Variants in MAP3K20 observed in about 807,000 individuals in gnomAD.
MAP3K20 encodes HCCS-4.
MAP3K20 carries 40 observed loss-of-function variants against 85.7 expected under a neutral mutation model. The observed-to-expected ratio is 0.47, with a 90% CI of 0.36 to 0.61. The LOEUF (loss-of-function observed/expected upper bound fraction) is 0.61, where lower values mean the gene tolerates loss of function less well. Ranked by LOEUF, MAP3K20 falls within the 20% of genes least tolerant of loss-of-function variation. MAP3K20 has a pLI of 0.00. For missense variants in MAP3K20, 817 were observed against 961.7 expected, an observed-to-expected ratio of 0.85 and a Z score of 1.99; for synonymous variants, 325 against 327.7, an observed-to-expected ratio of 0.99 and a Z score of 0.09.
At chr2:173,199,348 T>C (rs567876364) in intron 8 of MAP3K20, among the ~76,000 whole-genome samples, 2 of 152,314 alleles carry the variant, frequency 1.3e-5, no homozygotes, top group South Asian at 2.1e-4. Flanking sequence ...ATTTAAGAAA[T>C]GAAAAGGAGT....
chr2:173,262,215 G>A (rs1045285597), intron 18 of MAP3K20, among the ~76,000 whole-genome samples: 1 of 152,124 alleles, frequency 6.6e-6, no homozygotes, highest in South Asian at 2.1e-4. Flanking sequence ...AGTGGCTGCA[G>A]TAAGATGAAG....
intron 2 of MAP3K20, among the ~76,000 whole-genome samples, chr2:173,158,311 T>A (rs1406585850): frequency 2.0e-5 from 3 of 152,142 alleles, no homozygotes; most frequent in African/African-American, 7.2e-5. Flanking sequence ...TAGAAGGACC[T>A]ATGATTTTAC....
intron 16 of MAP3K20, among the ~76,000 whole-genome samples, chr2:173,257,639 T>A (rs1685190264): frequency 6.6e-6 from 1 of 152,178 alleles, no homozygotes; most frequent in Non-Finnish European, 1.5e-5. Flanking sequence ...TCTAGACAAG[T>A]CTTTTTTCTT....
chr2:173,222,131 A>T (rs935329098), intron 11 of MAP3K20: 18 of 915,574 alleles, frequency 2.0e-5, no homozygotes, highest in Non-Finnish European at 2.3e-5. Context: ...GAGACCTAGC[A>T]ATCAGTCAGG....
chr2:173,182,982 G>A (rs528925551), intron 4 of MAP3K20, 27 bp downstream of exon 4: 2 of 1,553,380 alleles, frequency 1.3e-6, no homozygotes, highest in Non-Finnish European at 1.8e-6. Context: ...TATTCTTATA[G>A]AATTAGTGGG....
intron 10 of MAP3K20, chr2:173,211,505 A>T (rs954220397): frequency 1.3e-5 from 2 of 152,298 alleles, no homozygotes; most frequent in African/African-American, 4.8e-5. Flanking sequence ...TTCATCATTC[A>T]CATGGCAGTT....
At chr2:173,236,129 G>T (rs1684641631) in intron 14 of MAP3K20, among the ~76,000 whole-genome samples, 1 of 152,138 alleles carries the variant, frequency 6.6e-6, no homozygotes. Context: ...AGCCAGGCAT[G>T]TGGTGCACAC....
intron 2 of MAP3K20, among the ~76,000 whole-genome samples, chr2:173,126,826 T>C (rs1688459434): frequency 6.6e-6 from 1 of 152,200 alleles, no homozygotes; most frequent in Admixed American, 6.5e-5. Flanking sequence ...AAGCCAGACA[T>C]TCTGTAGGCA....
In MAP3K20 at chr2:173,158,162, G is replaced by T. The variant is rs142003093; in HGVS notation, c.160-11643G>T. Among the ~76,000 whole-genome samples, 8 of 152,306 alleles carry T rather than the reference G, an allele frequency of 5.3e-5. No homozygotes were observed. In the East Asian group the frequency reaches 1.5e-3, roughly 29 times the overall value. On this transcript the variant is annotated intron_variant, in intron 2 of 19. Coordinates refer to ENST00000375213, the MANE Select transcript of MAP3K20 (RefSeq NM_016653.3). ...TAATAGTAAGCCCTAACTCATGTTT[G>T]CTGTGAGAATGTAAGGGTTCAATCT...
chr2:173,257,201 A>G (rs1337976290), intron 16 of MAP3K20, among the ~76,000 whole-genome samples: 2 of 152,132 alleles, frequency 1.3e-5, no homozygotes, highest in East Asian at 1.9e-4. Flanking sequence ...AAATTAATTA[A>G]AAAGAGAAAT....
At chr2:173,231,249 T>C (rs967324458) in intron 12 of MAP3K20, among the ~76,000 whole-genome samples, 4 of 152,176 alleles carry the variant, frequency 2.6e-5, no homozygotes, top group East Asian at 3.9e-4. Context: ...TCTCTGCCCT[T>C]TGTATTCTTT....
At chr2:173,242,794 C>T (rs1467876481) in intron 16 of MAP3K20, among the ~76,000 whole-genome samples, 1 of 150,600 alleles carries the variant, frequency 6.6e-6, no homozygotes, top group African/African-American at 2.5e-5. Flanking sequence ...GCAACCTCCG[C>T]CTCCCAGGTT....
At chr2:173,077,831 A>G (rs1257317649) in intron 1 of MAP3K20, among the ~76,000 whole-genome samples, 1 of 152,246 alleles carries the variant, frequency 6.6e-6, no homozygotes, top group Non-Finnish European at 1.5e-5. Flanking sequence ...ACTTGGATCT[A>G]AAAATGGATG....
chr2:173,237,047 GCTGGAGT>G (rs1684670397), intron 14 of MAP3K20, among the ~76,000 whole-genome samples: 1 of 66,878 alleles, frequency 1.5e-5, no homozygotes, highest in Non-Finnish European at 2.6e-5. Context: ...TTTTTTTTGA[GCTGGAGT>G]CTCACTGTGC....
Position 173,191,148 on chromosome 2 carries a change from G to C in MAP3K20, c.553G>C (p.Glu185Gln). 1 of 1,613,974 alleles carries C rather than the reference G, an allele frequency of 6.2e-7. No individual in the cohort carries two copies. The highest frequency in any genetic ancestry group is 1.6e-4 in the Middle Eastern group (1 of 6,062). ...AGTTATCCAGAGTCTCCCTGTGTCA[G>C]AAACTTGTGACACATATTCCTATGG... ...PEVIQSLPVS[E>Q]TCDTYSYGVV... The change falls in exon 7 of 20, where the codon GAA (glutamate) becomes CAA (glutamine). Residue 185 changes from glutamate (E) to glutamine (Q), a missense_variant. Coordinates refer to ENST00000375213, the MANE Select transcript of MAP3K20 (RefSeq NM_016653.3).
chr2:173,212,201 C>T (rs765439766), intron 10 of MAP3K20: 6 of 152,156 alleles, frequency 3.9e-5, no homozygotes, highest in Non-Finnish European at 8.8e-5. Context: ...TGAACTTCTG[C>T]TGGTGTGAGA....
At chr2:173,258,437 C>T (rs1410007201) in intron 16 of MAP3K20, among the ~76,000 whole-genome samples, 3 of 151,940 alleles carry the variant, frequency 2.0e-5, no homozygotes, top group Non-Finnish European at 4.4e-5. Flanking sequence ...TATTATCTGC[C>T]TAGTCCCTTC....
chr2:173,192,182 T>C (rs1349223574), intron 7 of MAP3K20, among the ~76,000 whole-genome samples: 1 of 152,234 alleles, frequency 6.6e-6, no homozygotes, highest in Non-Finnish European at 1.5e-5. Flanking sequence ...CAAATCAGCC[T>C]GTCTCTTCGT....
chr2:173,110,200 C>T (rs1299633953), intron 2 of MAP3K20, among the ~76,000 whole-genome samples: 1 of 32,342 alleles, frequency 3.1e-5, no homozygotes, highest in African/African-American at 1.2e-4. Context: ...ATATGTTATA[C>T]ATATATATAT....
Sources: allele counts gnomAD v4.1 joint callset (sites outside exome capture counted in the v4.1 genomes callset), GRCh38; gene constraint gnomAD v4.1.1; transcripts MANE v1.5; gene names NCBI Gene and HGNC (gene_info 2026-07-23, HGNC 2026-07-21).